The following MRAP2 variants were observed in gnomAD, a reference collection of about 807,000 sequenced individuals.
The protein encoded by MRAP2 is melanocortin-2 receptor accessory protein 2.
Under a neutral mutation model 17.4 loss-of-function variants are expected in MRAP2, and 20 were observed. The ratio of observed to expected loss-of-function variants is 1.15; its 90% CI spans 0.81 to 1.67. The LOEUF is 1.67. MRAP2 is among the 40% of genes most tolerant of loss of function. The probability of loss-of-function intolerance (pLI) is 0.00; values close to 1 mark genes in which losing one functional copy is unlikely to be tolerated. For missense variants in MRAP2, 238 were observed against 240.0 expected (o/e 0.99, Z 0.05); for synonymous variants, 96 against 88.4 (o/e 1.09, Z -0.48).
At chr6:84,044,109 T>A (rs912396232) in intron 1 of MRAP2, among the ~76,000 whole-genome samples, 6 of 152,230 alleles carry the variant, frequency 3.9e-5, no homozygotes, top group Non-Finnish European at 8.8e-5. Context: ...CAAATTAGTT[T>A]CAGCACCTAT....
chr6:84,111,773 G>A, the MRAP2 span, among the ~76,000 whole-genome samples: 6 of 152,238 alleles, frequency 3.9e-5, no homozygotes, highest in South Asian at 1.0e-3. Flanking sequence ...TTTGAGATAC[G>A]TTCCATCAAT....
downstream of MRAP2, among the ~76,000 whole-genome samples, chr6:84,093,025 G>T (rs148152683): frequency 2.1e-4 from 32 of 152,290 alleles, no homozygotes; most frequent in East Asian, 5.4e-3. Flanking sequence ...TCCACTCTTG[G>T]AATCATCTTT....
the MRAP2 span, among the ~76,000 whole-genome samples, chr6:84,138,482 C>T: frequency 6.6e-6 from 1 of 152,150 alleles, no homozygotes; most frequent in African/African-American, 2.4e-5. Flanking sequence ...AGTCCTCAAA[C>T]TAGTCTTGTC....
chr6:84,134,427 C>T, the MRAP2 span, among the ~76,000 whole-genome samples: 1 of 152,214 alleles, frequency 6.6e-6, no homozygotes, highest in Non-Finnish European at 1.5e-5. Flanking sequence ...TCAGTGTCTG[C>T]CCAAACGGCC....
chr6:84,124,085 A>G, the MRAP2 span, among the ~76,000 whole-genome samples: 1 of 152,148 alleles, frequency 6.6e-6, no homozygotes, highest in Non-Finnish European at 1.5e-5. Flanking sequence ...AATGTGTAGA[A>G]AAGGGAACAT....
chr6:84,087,054 CGA>C (rs1268576995), intron 3 of MRAP2, among the ~76,000 whole-genome samples: 1 of 152,016 alleles, frequency 6.6e-6, no homozygotes, highest in African/African-American at 2.4e-5. Flanking sequence ...CCCCAAAATC[CGA>C]GAGAGGTCTC....
At position 84,089,497 on chromosome 6, in the gene MRAP2, A is replaced by G; in HGVS notation, c.*16A>G. On this transcript the variant is annotated 3_prime_UTR_variant, in exon 4 of 4. Coordinates refer to ENST00000257776, the MANE Select transcript of MRAP2 (RefSeq NM_138409.4). ...CCTGGATTGAGAAACATGCTCTGTA[A>G]AGGGTCTTCCTGAAGATGTGGATTC... 2 of 1,599,178 alleles carry G rather than the reference A, an allele frequency of 1.3e-6. No individual in the cohort carries two copies. The highest frequency in any genetic ancestry group is 1.7e-4 in the Middle Eastern group (1 of 6,000).
intron 3 of MRAP2, among the ~76,000 whole-genome samples, chr6:84,075,109 C>T (rs1473812857): frequency 6.6e-6 from 1 of 152,182 alleles, no homozygotes. Flanking sequence ...TTGCAGCTGC[C>T]CTTTCCCCAC....
the MRAP2 span, chr6:84,126,620 A>G: frequency 8.0e-5 from 58 of 723,372 alleles, no homozygotes; most frequent in Non-Finnish European, 1.2e-4. Context: ...AGTAAGAGGC[A>G]CCTTGGATTG....
the MRAP2 span, chr6:84,126,333 T>A: frequency 1.4e-6 from 2 of 1,409,338 alleles, no homozygotes; most frequent in Non-Finnish European, 1.9e-6. Flanking sequence ...TAAAGGCACT[T>A]AAAAGTAAAG....
chr6:84,062,122 A>G, intron 2 of MRAP2: 1 of 985,426 alleles, frequency 1.0e-6, no homozygotes, highest in Non-Finnish European at 1.2e-6. Context: ...GAGTTGTTAA[A>G]CTAAAATTTG....
At chr6:84,097,650 G>C in the MRAP2 span, among the ~76,000 whole-genome samples, 31 of 152,018 alleles carry the variant, frequency 2.0e-4, no homozygotes, top group East Asian at 5.6e-3. Context: ...CAATTAATTA[G>C]TTTATAGTTT....
downstream of MRAP2, among the ~76,000 whole-genome samples, chr6:84,093,000 C>A (rs1291918323): frequency 1.3e-5 from 2 of 152,212 alleles, no homozygotes; most frequent in African/African-American, 4.8e-5. Flanking sequence ...TGGCTACATT[C>A]TCTGGGCCTG....
chr6:84,130,751 CTTCT>C, the MRAP2 span, among the ~76,000 whole-genome samples: 80 of 152,120 alleles, frequency 5.3e-4, no homozygotes, highest in African/African-American at 1.4e-3. Flanking sequence ...TCTCTCTTCT[CTTCT>C]TTATTAATTT....
intron 3 of MRAP2, among the ~76,000 whole-genome samples, chr6:84,075,987 A>T (rs2099497493): frequency 6.6e-6 from 1 of 152,140 alleles, no homozygotes; most frequent in Non-Finnish European, 1.5e-5. Flanking sequence ...TGTCGTTCTG[A>T]GGTATCTACT....
rs536019996 is a variant in MRAP2, at chr6:84,043,724, G to A, written c.-8+9841G>A. Among the ~76,000 whole-genome samples, 547 of 152,234 alleles carry A rather than the reference G, an allele frequency of 3.6e-3. 2 individuals are homozygous for A. Among genetic ancestry groups the A allele is most frequent in the Non-Finnish European group, 5.7e-3 (391 of 68,002 alleles). ...GAATGAAGTTCATTGTGTGGCAGAG[G>A]ATAGTTTGAAATACAAGCCTGAATT... is the stretch of plus-strand genomic sequence containing the variant. On this transcript the variant is annotated intron_variant, in intron 1 of 3. Coordinates refer to ENST00000257776, the MANE Select transcript of MRAP2 (RefSeq NM_138409.4).
intron 1 of MRAP2, among the ~76,000 whole-genome samples, chr6:84,053,126 G>A (rs988424764): frequency 1.3e-5 from 2 of 152,180 alleles, no homozygotes; most frequent in East Asian, 1.9e-4. Context: ...TGAGAACTGC[G>A]TGGCCGTGGG....
intron 1 of MRAP2, among the ~76,000 whole-genome samples, chr6:84,045,699 G>T (rs1158267006): frequency 2.6e-5 from 4 of 152,052 alleles, no homozygotes; most frequent in African/African-American, 7.2e-5. Context: ...GGAGGCAGAG[G>T]TTGCATTGAG....
chr6:84,142,164 A>G, the MRAP2 span, among the ~76,000 whole-genome samples: 1 of 152,236 alleles, frequency 6.6e-6, no homozygotes, highest in South Asian at 2.1e-4. Context: ...CATACCCTCC[A>G]TAAGATTATC....
Sources: allele counts gnomAD v4.1 joint callset (sites outside exome capture counted in the v4.1 genomes callset), GRCh38; gene constraint gnomAD v4.1.1; transcripts MANE v1.5; gene names NCBI Gene and HGNC (gene_info 2026-07-23, HGNC 2026-07-21).